CIT: variants seen among roughly 807,000 people sequenced by gnomAD.
CIT encodes citron rho-interacting serine/threonine kinase.
In CIT, 79 loss-of-function variants were observed where a neutral mutation model predicts 272.7. The ratio of observed to expected loss-of-function variants is 0.29; its 90% CI spans 0.24 to 0.35. The LOEUF is 0.35. CIT is among the 10% of genes least tolerant of loss of function. CIT has a pLI of 1.00. For missense variants in CIT, 1,909 were observed against 2,618.3 expected (o/e 0.73, Z 5.91); for synonymous variants, 948 against 995.6 (o/e 0.95, Z 0.90).
intron 2 of CIT, among the ~76,000 whole-genome samples, chr12:119,869,660 G>A (rs977762055): frequency 3.3e-5 from 5 of 152,062 alleles, no homozygotes; most frequent in African/African-American, 4.8e-5. Context: ...AGTGACCATC[G>A]TAAAGCCAAA....
intron 19 of CIT, among the ~76,000 whole-genome samples, chr12:119,765,540 G>A (rs1333281479): frequency 6.3e-5 from 9 of 143,554 alleles, no homozygotes; most frequent in South Asian, 2.2e-4. Flanking sequence ...GTGCAATCTC[G>A]GCTCACTGCA....
chr12:119,691,577 CG>C (rs1177220292), intron 46 of CIT, among the ~76,000 whole-genome samples: 1 of 152,124 alleles, frequency 6.6e-6, no homozygotes, highest in African/African-American at 2.4e-5. Context: ...CAAAGTAAAG[CG>C]GGCTCAGAAA....
At chr12:119,778,676 T>G (rs2137658645) in intron 13 of CIT, among the ~76,000 whole-genome samples, 1 of 152,282 alleles carries the variant, frequency 6.6e-6, no homozygotes, top group South Asian at 2.1e-4. Context: ...GGGGATGTGC[T>G]GCTCTTATGA....
In CIT at chr12:119,690,196, C is replaced by T. The variant is rs750178964; in HGVS notation, c.6141G>A (p.Arg2047=). 7.4e-6 allele frequency: 11 copies of T among 1,492,410 alleles called. No homozygotes were observed. The highest frequency in any genetic ancestry group is 9.7e-6 in the Non-Finnish European group (11 of 1,130,888). The allele number at this position is 1,492,410 out of a possible 1,614,324, so 92.4% of individuals were successfully genotyped here. A position where few individuals can be genotyped will look rare whatever the true frequency, so the allele number is the denominator to read the frequency against. ...GGGTCCTCACGGCTCCCGCAGGCAG[C>T]CGGCCCCTGCTGCTGTCTTCAAACA... The part of the protein sequence containing the change: ...GRLFEDSSRG[R]LPAGAVRTPL... Residue 2047 remains arginine, a synonymous_variant, in exon 47 of 48, where the codon CGG becomes CGA. Coordinates refer to ENST00000392521, the MANE Select transcript of CIT (RefSeq NM_001206999.2). The surrounding 1 kb of genome is among the most constrained non-coding windows in gnomAD (Gnocchi z 6.0).
At chr12:119,805,462 T>G (rs1389836986) in intron 9 of CIT, among the ~76,000 whole-genome samples, 2 of 152,254 alleles carry the variant, frequency 1.3e-5, no homozygotes, top group Non-Finnish European at 2.9e-5. Flanking sequence ...TCACAGGAAT[T>G]GCATGCTTAG....
At chr12:119,852,959 T>C (rs1359007667) in intron 4 of CIT, among the ~76,000 whole-genome samples, 1 of 152,170 alleles carries the variant, frequency 6.6e-6, no homozygotes, top group African/African-American at 2.4e-5. Context: ...TAGTCTTATG[T>C]GTCAACTTAT....
At chr12:119,852,000 T>A (rs1411265408) in intron 4 of CIT, among the ~76,000 whole-genome samples, 1 of 152,160 alleles carries the variant, frequency 6.6e-6, no homozygotes, top group Non-Finnish European at 1.5e-5. Flanking sequence ...ACCACTGCAC[T>A]CCAGCTTGGG....
intron 13 of CIT, 152 bp downstream of exon 13, chr12:119,782,366 C>T (rs1372083786): frequency 5.3e-6 from 4 of 754,860 alleles, no homozygotes; most frequent in Non-Finnish European, 8.4e-6. Flanking sequence ...TCTGAAGTTT[C>T]TGAATGACCT....
At chr12:119,729,081 C>T (rs1958288143) in intron 27 of CIT, among the ~76,000 whole-genome samples, 1 of 152,092 alleles carries the variant, frequency 6.6e-6, no homozygotes, top group South Asian at 2.1e-4. Flanking sequence ...AAATTCAACC[C>T]AATTAGGAGA....
chr12:119,730,605 C>T lies in CIT; in HGVS notation c.3376G>A (p.Glu1126Lys), dbSNP rs1197295467. Residue 1126 changes from glutamate to lysine, a missense_variant, in exon 27 of 48, where the codon GAG (glutamate) becomes AAG (lysine). Around this residue, in one of 8 missense-constraint regions of CIT, gnomAD observed 530 missense variants for 822.4 expected, o/e 0.64. Coordinates refer to ENST00000392521, the MANE Select transcript of CIT (RefSeq NM_001206999.2). The part of the protein sequence containing the change: ...SRARADQRIT[E>K]SRQVVELAVK... ...GCCAGCTCCACCACCTGGCGAGACT[C>T]GGTGATCCGCTGATCGGCTCTCGCC... The T allele has an allele frequency of 1.2e-6, 2 of 1,614,082 alleles. No homozygotes were observed. The highest frequency in any genetic ancestry group is 3.3e-5 in the Admixed American group (2 of 60,026).
chr12:119,722,077 A>G (rs551369448), intron 28 of CIT, among the ~76,000 whole-genome samples: 1 of 152,220 alleles, frequency 6.6e-6, no homozygotes, highest in Non-Finnish European at 1.5e-5. Flanking sequence ...AAGAAATTCA[A>G]TTAAGTATAT....
intron 24 of CIT, 40 bp downstream of exon 24, chr12:119,742,371 T>A: frequency 6.7e-7 from 1 of 1,490,738 alleles, no homozygotes; most frequent in Non-Finnish European, 9.1e-7. Flanking sequence ...CTGTTTTAGT[T>A]TCATGTTATT....
At chr12:119,723,207 C>T (rs1333174560) in intron 28 of CIT, among the ~76,000 whole-genome samples, 1 of 152,056 alleles carries the variant, frequency 6.6e-6, no homozygotes, top group Admixed American at 6.5e-5. Context: ...GTGATTTCTT[C>T]TGCAAATTAC....
At chr12:119,813,219 C>A (rs1356752208) in intron 9 of CIT, among the ~76,000 whole-genome samples, 2 of 152,166 alleles carry the variant, frequency 1.3e-5, no homozygotes, top group Admixed American at 1.3e-4. Context: ...CTTTATAAGT[C>A]AGAATTTTGA....
chr12:119,838,248 T>C (rs1337022428), intron 5 of CIT, among the ~76,000 whole-genome samples: 2 of 152,030 alleles, frequency 1.3e-5, no homozygotes, highest in African/African-American at 2.4e-5. Context: ...AATTTTTGTA[T>C]TTTTAGTAGA....
intron 47 of CIT, 87 bp from the exon 48 acceptor site, chr12:119,688,342 C>T: frequency 7.6e-7 from 1 of 1,319,394 alleles, no homozygotes; most frequent in Non-Finnish European, 1.1e-6. Context: ...GAATCTGCAG[C>T]CCCTGGGCTA....
chr12:119,805,988 T>A (rs1486671248), intron 9 of CIT, among the ~76,000 whole-genome samples: 1 of 151,120 alleles, frequency 6.6e-6, no homozygotes, highest in Non-Finnish European at 1.5e-5. Flanking sequence ...TACAAAAAAA[T>A]TAGCCAGATG....
intron 22 of CIT, among the ~76,000 whole-genome samples, chr12:119,754,312 G>T (rs1162107841): frequency 6.6e-6 from 1 of 152,200 alleles, no homozygotes. Flanking sequence ...GTAACATGTT[G>T]CTGTATTCCT....
rs746989495 is a variant in CIT, at chr12:119,710,200, T to TA, written c.5071+50dup. The TA allele has an allele frequency of 3.3e-5, 53 of 1,592,604 alleles. No individual in the cohort carries two copies. The highest frequency in any genetic ancestry group is 4.4e-5 in the Non-Finnish European group (51 of 1,170,966). Reference sequence around the variant, plus strand: ...ACGAGCATGAAACGTGGCTTCAACATATTGGCTCCCTTGAAAGTAAAGAAA... The same window carrying TA: ...ACGAGCATGAAACGTGGCTTCAACATAATTGGCTCCCTTGAAAGTAAAGAAA... On this transcript the variant is annotated intron_variant, in intron 39 of 47. Transcript: ENST00000392521. This position sits in a 1 kb window ranked among gnomAD's most constrained non-coding sequence, Gnocchi z 5.6.
Sources: allele counts gnomAD v4.1 joint callset (sites outside exome capture counted in the v4.1 genomes callset), GRCh38; gene constraint gnomAD v4.1.1; regional missense constraint gnomAD v4.1.1; non-coding constraint Gnocchi (gnomAD v3.1); transcripts MANE v1.5; gene names NCBI Gene and HGNC (gene_info 2026-07-23, HGNC 2026-07-21).